The following TTC28 variants were observed in gnomAD, a reference collection of about 807,000 sequenced individuals.
TTC28 encodes tetratricopeptide repeat domain 28.
Under a neutral mutation model 198.0 loss-of-function variants are expected in TTC28, and 61 were observed. The observed-to-expected ratio is 0.31, with a 90% CI of 0.25 to 0.38. The LOEUF (loss-of-function observed/expected upper bound fraction) is 0.38, where lower values mean the gene tolerates loss of function less well. Ranked by LOEUF, TTC28 falls within the 10% of genes least tolerant of loss-of-function variation. TTC28 has a pLI of 1.00. For synonymous variants in TTC28, 1,171 were observed against 1,297.8 expected, an observed-to-expected ratio of 0.90 and a Z score of 2.10; for missense variants, 2,678 against 3,164.0, an observed-to-expected ratio of 0.85 and a Z score of 3.69.
chr22:28,551,559 G>A (rs944078569), intron 2 of TTC28, among the ~76,000 whole-genome samples: 1 of 152,114 alleles, frequency 6.6e-6, no homozygotes, highest in Non-Finnish European at 1.5e-5. Context: ...TACCAGGGAT[G>A]AGGATGGTTT....
chr22:28,162,697 G>A (rs1250926002), intron 6 of TTC28, among the ~76,000 whole-genome samples: 13 of 152,174 alleles, frequency 8.5e-5, no homozygotes, highest in South Asian at 2.1e-4. Flanking sequence ...TGCCATAATT[G>A]TAGCACTTTG....
chr22:28,617,318 G>C (rs1009914462), intron 2 of TTC28, among the ~76,000 whole-genome samples: 4 of 150,206 alleles, frequency 2.7e-5, no homozygotes, highest in African/African-American at 9.9e-5. Context: ...GGTAACACAG[G>C]GAGAACTTTT....
intron 2 of TTC28, among the ~76,000 whole-genome samples, chr22:28,408,394 T>C (rs1170910732): frequency 1.3e-5 from 2 of 152,080 alleles, no homozygotes; most frequent in African/African-American, 2.4e-5. Context: ...GTCCCAACTT[T>C]CATTTTTTTT....
intron 2 of TTC28, among the ~76,000 whole-genome samples, chr22:28,520,202 C>T (rs2048876009): frequency 6.6e-6 from 1 of 152,234 alleles, no homozygotes; most frequent in Middle Eastern, 3.4e-3. Context: ...TCTTTCCTAA[C>T]TCAACTCTTA....
At chr22:28,386,005 G>A (rs1035951385) in intron 2 of TTC28, among the ~76,000 whole-genome samples, 1 of 151,792 alleles carries the variant, frequency 6.6e-6, no homozygotes, top group Non-Finnish European at 1.5e-5. Flanking sequence ...GGCCGGGCGC[G>A]GTGGCTCACG....
chr22:28,165,775 C>T lies in TTC28; in HGVS notation c.934-2176G>A, dbSNP rs895697483. On this transcript the variant is annotated intron_variant, in intron 5 of 22. Coordinates refer to ENST00000397906, the MANE Select transcript of TTC28 (RefSeq NM_001145418.2). ...CTAGGAAGAAACTGCATCAACTAAC[C>T]AGCAAAATAACCAGCTAGCATCATA... is the stretch of plus-strand genomic sequence containing the variant. Among the ~76,000 whole-genome samples the T allele has an allele frequency of 2.6e-5, 4 of 152,248 alleles. No homozygotes were observed. In the East Asian group the frequency reaches 5.8e-4, roughly 22 times the overall value.
intron 5 of TTC28, among the ~76,000 whole-genome samples, chr22:28,222,396 G>A (rs900014946): frequency 6.6e-6 from 1 of 152,220 alleles, no homozygotes; most frequent in Non-Finnish European, 1.5e-5. Flanking sequence ...GTGATTTTAA[G>A]TCCCTATCCT....
At chr22:28,325,955 T>C (rs1005477486) in intron 2 of TTC28, among the ~76,000 whole-genome samples, 4 of 152,086 alleles carry the variant, frequency 2.6e-5, no homozygotes, top group Non-Finnish European at 4.4e-5. Flanking sequence ...TTTAGACTTA[T>C]CATATGACCC....
chr22:28,462,984 A>C (rs1424943905), intron 2 of TTC28, among the ~76,000 whole-genome samples: 1 of 152,246 alleles, frequency 6.6e-6, no homozygotes, highest in Non-Finnish European at 1.5e-5. Context: ...ACAGTACAAT[A>C]GCTTAAATGC....
intron 5 of TTC28, among the ~76,000 whole-genome samples, chr22:28,174,250 A>G (rs541709336): frequency 2.0e-5 from 3 of 152,350 alleles, no homozygotes; most frequent in Non-Finnish European, 2.9e-5. Flanking sequence ...CAGAGCCTTC[A>G]TGAGTACTAA....
At chr22:28,481,420 G>T (rs1391468354) in intron 2 of TTC28, among the ~76,000 whole-genome samples, 2 of 152,258 alleles carry the variant, frequency 1.3e-5, no homozygotes, top group South Asian at 4.1e-4. Flanking sequence ...CTCAAAAGTT[G>T]TGTTTTTTTA....
intron 2 of TTC28, among the ~76,000 whole-genome samples, chr22:28,371,598 A>ATTTTTTTTTTTTTTTTTTTTTT (rs1409625873): frequency 0.012 from 338 of 27,758 alleles, 132 homozygotes; most frequent in African/African-American, 0.035. Context: ...AAAAAAAAAA[A>ATTTTTTTTTTTTTTTTTTTTTT]TTTTTTTTTT....
chr22:28,455,565 T>C (rs1296289737), intron 2 of TTC28, among the ~76,000 whole-genome samples: 1 of 151,840 alleles, frequency 6.6e-6, no homozygotes, highest in Non-Finnish European at 1.5e-5. Flanking sequence ...ATACAAAAAT[T>C]GGCCAGGCGT....
chr22:28,346,678 A>G (rs562605666), intron 2 of TTC28, among the ~76,000 whole-genome samples: 1 of 152,300 alleles, frequency 6.6e-6, no homozygotes, highest in Non-Finnish European at 1.5e-5. Context: ...GTGTACATTT[A>G]ATAGATCTCC....
Position 28,163,288 on chromosome 22 carries a change from A to G in TTC28, c.1245T>C (p.Ser415=). The G allele has an allele frequency of 6.4e-7, 1 of 1,551,934 alleles. No homozygotes were observed. The highest frequency in any genetic ancestry group is 8.7e-7 in the Non-Finnish European group (1 of 1,147,048). Residue 415 remains serine (S), a synonymous_variant, in exon 6 of 23, where the codon TCT becomes TCC. Coordinates refer to ENST00000397906, the MANE Select transcript of TTC28 (RefSeq NM_001145418.2). ...HYRRNFDKAM[S]YHNYVLELAQ... Reference sequence around the variant, plus strand: ...CCAGCTCCAGGACATAGTTATGGTAAGACATGGCCTTGTCAAAGTTCCTCC... The same window carrying G: ...CCAGCTCCAGGACATAGTTATGGTAGGACATGGCCTTGTCAAAGTTCCTCC...
chr22:28,561,774 T>C (rs761452836), intron 2 of TTC28, among the ~76,000 whole-genome samples: 2 of 152,222 alleles, frequency 1.3e-5, no homozygotes, highest in Non-Finnish European at 2.9e-5. Flanking sequence ...CCCTTACTTA[T>C]GCTTTCAACT....
chr22:28,265,533 G>A (rs1931628282), intron 5 of TTC28, among the ~76,000 whole-genome samples: 1 of 152,142 alleles, frequency 6.6e-6, no homozygotes, highest in Non-Finnish European at 1.5e-5. Context: ...TACCGCATGG[G>A]ACACAAGAGA....
intron 2 of TTC28, among the ~76,000 whole-genome samples, chr22:28,624,239 G>A (rs36020786): frequency 1.1e-4 from 16 of 151,976 alleles, no homozygotes; most frequent in Non-Finnish European, 2.4e-4. Context: ...TTAGCCAGGC[G>A]TGGTGGCAGG....
chr22:28,267,715 G>T (rs1931777963), intron 5 of TTC28, among the ~76,000 whole-genome samples: 1 of 152,036 alleles, frequency 6.6e-6, no homozygotes, highest in Non-Finnish European at 1.5e-5. Context: ...CAACACACAT[G>T]AATTAAACCT....
Sources: gnomAD v4.1 joint callset for allele counts (sites outside exome capture counted in the v4.1 genomes callset) on GRCh38, gnomAD v4.1.1 for gene constraint, MANE v1.5 for transcripts, NCBI Gene and HGNC (gene_info 2026-07-23, HGNC 2026-07-21) for gene names.